YWHAE: variants seen among roughly 807,000 people sequenced by gnomAD.
The protein encoded by YWHAE is tyrosine 3-monooxygenase/tryptophan 5-monooxygenase activation protein epsilon.
A neutral mutation model predicts 30.1 loss-of-function variants in YWHAE; 4 were observed. The ratio of observed to expected loss-of-function variants is 0.13; its 90% CI spans 0.07 to 0.30. YWHAE has a LOEUF of 0.30. YWHAE is among the 10% of genes least tolerant of loss of function. YWHAE has a pLI of 1.00. For synonymous variants in YWHAE, 118 were observed against 111.8 expected (o/e 1.06, Z -0.35); for missense variants, 121 against 315.9 (o/e 0.38, Z 4.68).
At chr17:1,399,669 T>C in intron 1 of YWHAE, 1 of 355,452 alleles carries the variant, frequency 2.8e-6, no homozygotes, top group Non-Finnish European at 5.2e-6. Flanking sequence ...CACCCAATTG[T>C]TCTCCACATC....
At chr17:1,381,111 G>A (rs2073199144) in intron 1 of YWHAE, among the ~76,000 whole-genome samples, 2 of 152,210 alleles carry the variant, frequency 1.3e-5, no homozygotes, top group Non-Finnish European at 2.9e-5. Flanking sequence ...GAGGCTGGGC[G>A]CAGTGGCTCA....
chr17:1,387,572 A>G (rs1229923032), intron 1 of YWHAE, among the ~76,000 whole-genome samples: 1 of 152,022 alleles, frequency 6.6e-6, no homozygotes, highest in Admixed American at 6.6e-5. Flanking sequence ...GATTTTTAAG[A>G]AGTTTGACAT....
chr17:1,394,460 A>AAAAAAAAAAAAAACC (rs1555647412), intron 1 of YWHAE, among the ~76,000 whole-genome samples: 2 of 137,632 alleles, frequency 1.5e-5, no homozygotes, highest in African/African-American at 5.7e-5. Flanking sequence ...AAAAAAAAAA[A>AAAAAAAAAAAAAACC]ACACAAAAAT....
Position 1,400,204 on chromosome 17 carries a change from A to G in YWHAE, c.-94T>C. 1 of 1,471,956 alleles carries G rather than the reference A, an allele frequency of 6.8e-7. No homozygotes were observed. Among genetic ancestry groups the G allele is most frequent in the East Asian group, 2.3e-5 (1 of 43,984 alleles). The allele number at this position is 1,471,956 out of a possible 1,614,324, so 91.2% of individuals were successfully genotyped here. A position where few individuals can be genotyped will look rare whatever the true frequency, so the allele number is the denominator to read the frequency against. On this transcript the variant is annotated 5_prime_UTR_variant, in exon 1 of 6. Coordinates refer to ENST00000264335, the MANE Select transcript of YWHAE (RefSeq NM_006761.5). ...TCTCGCTCCGCGTCCGGGCAGCAAA[A>G]ATGGCGGCGCCTCAATCCGGGACTT...
chr17:1,363,458 G>C (rs2072894163), intron 2 of YWHAE, among the ~76,000 whole-genome samples: 1 of 151,990 alleles, frequency 6.6e-6, no homozygotes. Context: ...TGGAGACGGG[G>C]TTTCACCATG....
intron 4 of YWHAE, among the ~76,000 whole-genome samples, chr17:1,355,081 G>T (rs1233512282): frequency 9.4e-6 from 1 of 106,386 alleles, no homozygotes; most frequent in Admixed American, 1.2e-4. Flanking sequence ...GAGTGGCTGG[G>T]ACAAACGGTA....
intron 5 of YWHAE, among the ~76,000 whole-genome samples, chr17:1,352,761 G>A (rs1010018740): frequency 6.6e-5 from 10 of 152,034 alleles, no homozygotes; most frequent in Admixed American, 3.3e-4. Context: ...TCCTGACCGC[G>A]TGATCCACCC....
At chr17:1,376,386 A>AAAAGAAAGAAAGAAAAAG (rs368744450) in intron 1 of YWHAE, among the ~76,000 whole-genome samples, 1 of 151,592 alleles carries the variant, frequency 6.6e-6, no homozygotes. Flanking sequence ...GAAAGAAAGA[A>AAAAGAAAGAAAGAAAAAG]AAAGAAAGAG....
At chr17:1,394,436 CAA>C (rs544115909) in intron 1 of YWHAE, among the ~76,000 whole-genome samples, 1,791 of 58,576 alleles carry the variant, frequency 0.031, 14 homozygotes, top group African/African-American at 0.074. Flanking sequence ...CTCAAATCCA[CAA>C]AAAAAAAAAA....
At chr17:1,362,385 A>G (rs551071742) in intron 2 of YWHAE, among the ~76,000 whole-genome samples, 144 of 152,288 alleles carry the variant, frequency 9.5e-4, no homozygotes, top group Non-Finnish European at 1.2e-3. Context: ...GTAGCAACGT[A>G]AAGACATTGC....
At chr17:1,390,074 C>A (rs956974930) in intron 1 of YWHAE, among the ~76,000 whole-genome samples, 4 of 151,938 alleles carry the variant, frequency 2.6e-5, no homozygotes, top group African/African-American at 9.7e-5. Flanking sequence ...GAACTCCCGA[C>A]CTCAGGTGAT....
At chr17:1,356,397 T>TA (rs2072743407) in intron 4 of YWHAE, among the ~76,000 whole-genome samples, 1 of 151,990 alleles carries the variant, frequency 6.6e-6, no homozygotes, top group Non-Finnish European at 1.5e-5. Context: ...CTATTCCAAA[T>TA]AAAGTATTTC....
At chr17:1,387,252 G>T (rs2073313248) in intron 1 of YWHAE, among the ~76,000 whole-genome samples, 2 of 152,082 alleles carry the variant, frequency 1.3e-5, no homozygotes, top group South Asian at 4.1e-4. Context: ...CAGAATGGGA[G>T]ATTTCTCCTC....
At chr17:1,358,461 G>T (rs60723191) in intron 4 of YWHAE, among the ~76,000 whole-genome samples, 8 of 151,756 alleles carry the variant, frequency 5.3e-5, no homozygotes, top group African/African-American at 1.9e-4. Context: ...CGATGGTCTC[G>T]ATCTCCTGAC....
intron 1 of YWHAE, among the ~76,000 whole-genome samples, chr17:1,375,729 T>A (rs1426321847): frequency 2.0e-5 from 3 of 152,174 alleles, no homozygotes; most frequent in Non-Finnish European, 4.4e-5. Context: ...TAGACACAGA[T>A]CCACCACATG....
chr17:1,356,380 T>C (rs1448305154), intron 4 of YWHAE, among the ~76,000 whole-genome samples: 1 of 152,028 alleles, frequency 6.6e-6, no homozygotes, highest in Non-Finnish European at 1.5e-5. Context: ...AGAAGAAGAA[T>C]GAAGTGCTAT....
intron 5 of YWHAE, 29 bp from the exon 6 acceptor site, chr17:1,345,528 TTCGTA>T: frequency 6.2e-7 from 1 of 1,609,382 alleles, no homozygotes. Context: ...AGTCAATTAT[TTCGTA>T]TTGACTACAT....
At chr17:1,357,461 T>TACC in intron 4 of YWHAE, among the ~76,000 whole-genome samples, 1 of 150,132 alleles carries the variant, frequency 6.7e-6, no homozygotes, top group Admixed American at 6.6e-5. Flanking sequence ...GTGCCTGTAG[T>TACC]ACCAGCTACT....
chr17:1,397,510 T>C (rs563674333), intron 1 of YWHAE, among the ~76,000 whole-genome samples: 6 of 152,204 alleles, frequency 3.9e-5, no homozygotes, highest in Admixed American at 1.3e-4. Flanking sequence ...TACAAAGAAG[T>C]TTAGGCACTA....
Sources: gnomAD v4.1 joint callset for allele counts (sites outside exome capture counted in the v4.1 genomes callset) on GRCh38, gnomAD v4.1.1 for gene constraint, MANE v1.5 for transcripts, NCBI Gene and HGNC (gene_info 2026-07-23, HGNC 2026-07-21) for gene names.